The following EEPD1 variants were observed in gnomAD, a reference collection of about 807,000 sequenced individuals.
EEPD1 encodes the protein endonuclease/exonuclease/phosphatase family domain-containing protein 1.
In EEPD1, 17 loss-of-function variants were observed where a neutral mutation model predicts 46.3. That is an observed-to-expected ratio of 0.37 (90% CI 0.25 to 0.55). EEPD1 has a LOEUF of 0.55. EEPD1 is among the 20% of genes least tolerant of loss of function. The pLI is 0.83. For synonymous variants in EEPD1, 313 were observed against 315.6 expected, an observed-to-expected ratio of 0.99 and a Z score of 0.09; for missense variants, 673 against 745.6, an observed-to-expected ratio of 0.90 and a Z score of 1.13.
chr7:36,292,208 A>G (rs1268033355), intron 6 of EEPD1, among the ~76,000 whole-genome samples: 2 of 152,112 alleles, frequency 1.3e-5, no homozygotes, highest in Non-Finnish European at 2.9e-5. Context: ...CTGGGAGGAA[A>G]TGGCTTGTTC....
chr7:36,236,710 A>G (rs1583825959), intron 2 of EEPD1, among the ~76,000 whole-genome samples: 1 of 152,168 alleles, frequency 6.6e-6, no homozygotes, highest in Non-Finnish European at 1.5e-5. Flanking sequence ...GGGGACTTGG[A>G]GAACTTTTCT....
At chr7:36,209,997 G>A (rs1196011015) in intron 2 of EEPD1, among the ~76,000 whole-genome samples, 2 of 152,118 alleles carry the variant, frequency 1.3e-5, no homozygotes, top group African/African-American at 4.8e-5. Context: ...CTCCCTTAGA[G>A]GGTGGAGGAG....
At chr7:36,251,402 C>G (rs532858242) in intron 3 of EEPD1, among the ~76,000 whole-genome samples, 31 of 152,292 alleles carry the variant, frequency 2.0e-4, no homozygotes, top group African/African-American at 7.5e-4. Flanking sequence ...CCTCCGCCTC[C>G]CGGGTTCAAG....
intron 3 of EEPD1, among the ~76,000 whole-genome samples, chr7:36,268,527 G>A (rs1787058117): frequency 6.6e-6 from 1 of 152,190 alleles, no homozygotes; most frequent in African/African-American, 2.4e-5. Context: ...ACCAACCACA[G>A]CTTCCCGTCC....
intron 2 of EEPD1, among the ~76,000 whole-genome samples, chr7:36,232,565 C>G (rs1422324021): frequency 2.0e-5 from 3 of 151,038 alleles, no homozygotes; most frequent in Admixed American, 1.3e-4. Flanking sequence ...CCCCCTACTC[C>G]TAATGCATAA....
chr7:36,285,158 G>A, intron 5 of EEPD1, among the ~76,000 whole-genome samples: 1 of 152,162 alleles, frequency 6.6e-6, no homozygotes, highest in East Asian at 1.9e-4. Context: ...CCCCACCTCA[G>A]ACATACAGAA....
At chr7:36,202,006 T>G (rs148394948) in intron 2 of EEPD1, among the ~76,000 whole-genome samples, 1 of 152,310 alleles carries the variant, frequency 6.6e-6, no homozygotes, top group African/African-American at 2.4e-5. Context: ...TTGTTGGAAA[T>G]GCAGAATCTC....
rs534136163 is a variant in EEPD1, at chr7:36,192,626, C to T, written c.878+37424C>T. On this transcript the variant is annotated intron_variant, in intron 2 of 7. Transcript: ENST00000242108. ...GTAACTCAAGTCGCAGAAATTTACCCGGCGAAGGCCTGTGTCTTACTCAAC... is the reference window on the plus strand; with the variant it reads ...GTAACTCAAGTCGCAGAAATTTACCTGGCGAAGGCCTGTGTCTTACTCAAC... Among the ~76,000 whole-genome samples, 138 of 152,308 alleles carry T rather than the reference C, an allele frequency of 9.1e-4. 2 individuals are homozygous for T. Among genetic ancestry groups the T allele is most frequent in the Admixed American group, 8.8e-3 (134 of 15,300 alleles).
rs1301506771 is a variant in EEPD1 at position 36,193,850 on chromosome 7, GA to G, written c.878+38649del. Reference sequence around the variant, plus strand: ...CACCTCCCTCTGGGAGGGCCTGGGGGACCCTGACACCATTCTGTGGGAGAGA... The same window carrying G: ...CACCTCCCTCTGGGAGGGCCTGGGGGCCCTGACACCATTCTGTGGGAGAGA... On this transcript the variant is annotated intron_variant, in intron 2 of 7. Transcript: ENST00000242108. This position sits in a 1 kb window ranked among gnomAD's most constrained non-coding sequence, Gnocchi z 4.9. Among the ~76,000 whole-genome samples the G allele has an allele frequency of 2.0e-5, 3 of 152,138 alleles. No individual in the cohort carries two copies. The highest frequency in any genetic ancestry group is 1.3e-4 in the Admixed American group (2 of 15,274).
intron 2 of EEPD1, among the ~76,000 whole-genome samples, chr7:36,195,118 G>A (rs533013142): frequency 6.6e-6 from 1 of 152,344 alleles, no homozygotes; most frequent in South Asian, 2.1e-4. Context: ...GACAACAGGA[G>A]AGGCAGGGCG....
intron 2 of EEPD1, among the ~76,000 whole-genome samples, chr7:36,160,265 G>A (rs1315922649): frequency 6.6e-6 from 1 of 152,218 alleles, no homozygotes; most frequent in Non-Finnish European, 1.5e-5. Flanking sequence ...TGCACTCATG[G>A]AACTTCTGTT....
chr7:36,174,650 C>A (rs1169990204), intron 2 of EEPD1, among the ~76,000 whole-genome samples: 1 of 152,236 alleles, frequency 6.6e-6, no homozygotes. Context: ...TCCTCCAAGA[C>A]ACCGGCCTTC....
intron 3 of EEPD1, among the ~76,000 whole-genome samples, chr7:36,267,963 T>C (rs1234585299): frequency 6.6e-6 from 1 of 152,178 alleles, no homozygotes; most frequent in Non-Finnish European, 1.5e-5. Context: ...ATCTGCAGAC[T>C]GGGAAGTGAG....
intron 2 of EEPD1, among the ~76,000 whole-genome samples, chr7:36,238,146 A>C (rs547629799): frequency 1.3e-5 from 2 of 152,292 alleles, no homozygotes; most frequent in East Asian, 3.9e-4. Flanking sequence ...GCTGGTGGGC[A>C]TGTCTTTTAG....
chr7:36,205,162 G>T (rs1285818547), intron 2 of EEPD1, among the ~76,000 whole-genome samples: 1 of 152,022 alleles, frequency 6.6e-6, no homozygotes, highest in Non-Finnish European at 1.5e-5. Flanking sequence ...TGGACAGGGA[G>T]GGGGGTCACC....
intron 2 of EEPD1, among the ~76,000 whole-genome samples, chr7:36,234,133 G>A (rs1247808691): frequency 2.6e-5 from 4 of 152,042 alleles, no homozygotes. Context: ...TGGCCAGGCT[G>A]GTCTCGAAGT....
rs554075656 is a variant in EEPD1, at chr7:36,294,971, A to G, written c.1316-2022A>G. ...AGTGAGCGGATCACTTGAGGTCAGG[A>G]GTTCAAGACCAGCCTGGCCAACATG... On this transcript the variant is annotated intron_variant, in intron 6 of 7. Transcript: ENST00000242108. 2.2e-4 allele frequency among the ~76,000 whole-genome samples: 34 copies of G among 152,232 alleles called. No individual in the cohort carries two copies. The South Asian group carries it at 6.0e-3, about 27-fold the overall frequency.
intron 6 of EEPD1, among the ~76,000 whole-genome samples, chr7:36,292,611 G>A (rs906470018): frequency 2.4e-4 from 37 of 152,098 alleles, no homozygotes; most frequent in Admixed American, 1.8e-3. Context: ...GGGTTCAAGC[G>A]ATTCTCCTGC....
chr7:36,246,772 T>A (rs989674591), intron 3 of EEPD1, among the ~76,000 whole-genome samples: 1 of 152,158 alleles, frequency 6.6e-6, no homozygotes, highest in African/African-American at 2.4e-5. Flanking sequence ...TAAGATGTCT[T>A]AGAGTGCTTT....
Sources: gnomAD v4.1 joint callset for allele counts (sites outside exome capture counted in the v4.1 genomes callset) on GRCh38, gnomAD v4.1.1 for gene constraint, Gnocchi (gnomAD v3.1) non-coding constraint, MANE v1.5 for transcripts, NCBI Gene and HGNC (gene_info 2026-07-23, HGNC 2026-07-21) for gene names.